The following MTUS2 variants were observed in gnomAD, a reference collection of about 807,000 sequenced individuals.
MTUS2 encodes microtubule-associated tumor suppressor candidate 2.
MTUS2 carries 40 observed loss-of-function variants against 114.1 expected under a neutral mutation model. That is an observed-to-expected ratio of 0.35 (90% CI 0.27 to 0.46). The LOEUF is 0.46. Among genes scored for constraint, MTUS2 ranks in the 20% least tolerant of loss-of-function variants. The pLI is 1.00. For synonymous variants in MTUS2, 688 were observed against 672.0 expected (o/e 1.02, Z -0.37); for missense variants, 1,679 against 1,705.4 (o/e 0.98, Z 0.27).
chr13:29,266,057 A>G (rs2139482579), intron 5 of MTUS2, among the ~76,000 whole-genome samples: 1 of 152,252 alleles, frequency 6.6e-6, no homozygotes, highest in Middle Eastern at 3.4e-3. Flanking sequence ...AAAGATACGA[A>G]GCCATAGGAG....
chr13:29,069,151 A>G (rs1888796514), intron 4 of MTUS2, among the ~76,000 whole-genome samples: 1 of 152,182 alleles, frequency 6.6e-6, no homozygotes, highest in Admixed American at 6.5e-5. Flanking sequence ...AGAGAAGCAG[A>G]ACCAATATGA....
intron 4 of MTUS2, among the ~76,000 whole-genome samples, chr13:29,060,227 G>A (rs574773820): frequency 1.3e-5 from 2 of 152,278 alleles, no homozygotes; most frequent in African/African-American, 2.4e-5. Context: ...GGCTTGTGGT[G>A]GTCCCCTTGG....
intron 5 of MTUS2, among the ~76,000 whole-genome samples, chr13:29,119,621 A>T (rs1891226828): frequency 1.3e-5 from 2 of 152,220 alleles, no homozygotes; most frequent in East Asian, 3.8e-4. Context: ...TCTGATTCTG[A>T]AGACCTGAGC....
chr13:28,853,196 G>A (rs747233145), intron 2 of MTUS2, among the ~76,000 whole-genome samples: 29 of 152,310 alleles, frequency 1.9e-4, no homozygotes, highest in African/African-American at 4.1e-4. Context: ...TGTGGTAGGC[G>A]GGGAGTTTAA....
At chr13:28,885,111 C>T (rs1162329533) in intron 2 of MTUS2, among the ~76,000 whole-genome samples, 1 of 152,092 alleles carries the variant, frequency 6.6e-6, no homozygotes, top group Non-Finnish European at 1.5e-5. Context: ...GTAGCTTTAT[C>T]TTAACAGATT....
intron 2 of MTUS2, among the ~76,000 whole-genome samples, chr13:28,928,030 GA>G (rs1881416520): frequency 6.6e-6 from 1 of 152,044 alleles, no homozygotes; most frequent in Admixed American, 6.6e-5. Context: ...ATGGTGCTGG[GA>G]AAACTAGATA....
intron 2 of MTUS2, among the ~76,000 whole-genome samples, chr13:28,929,184 G>C (rs181465816): frequency 2.4e-4 from 36 of 152,254 alleles, no homozygotes; most frequent in African/African-American, 7.5e-4. Context: ...AGGGTGGGTT[G>C]AAGGAGAGGT....
chr13:28,926,289 A>C (rs1881323744), intron 2 of MTUS2, among the ~76,000 whole-genome samples: 1 of 152,224 alleles, frequency 6.6e-6, no homozygotes, highest in Non-Finnish European at 1.5e-5. Flanking sequence ...AGTAATAAAA[A>C]ATCAATTAAA....
At chr13:29,183,467 T>C (rs1250599084) in intron 5 of MTUS2, among the ~76,000 whole-genome samples, 1 of 152,130 alleles carries the variant, frequency 6.6e-6, no homozygotes, top group Non-Finnish European at 1.5e-5. Flanking sequence ...AATGGAAATA[T>C]CAAGTAACGA....
At chr13:28,962,236 A>G (rs1227508876) in intron 2 of MTUS2, among the ~76,000 whole-genome samples, 2 of 152,178 alleles carry the variant, frequency 1.3e-5, no homozygotes, top group East Asian at 3.9e-4. Context: ...AAAAATATCA[A>G]ATGTACTCTT....
Position 29,025,671 on chromosome 13 carries a change from A to C in MTUS2, c.973A>C (p.Lys325Gln), listed in dbSNP as rs1886500652. The C allele has an allele frequency of 6.2e-7, 1 of 1,614,040 alleles. No homozygotes were observed. Among genetic ancestry groups the C allele is most frequent in the Non-Finnish European group, 8.5e-7 (1 of 1,179,886 alleles). ...VPPRRVEQEGKAAQEGYLGCH... is the reference protein window; with the variant it reads ...VPPRRVEQEGQAAQEGYLGCH... ...TCCCAGGAGAGTTGAACAGGAGGGA[A>C]AGGCAGCCCAGGAAGGGTATCTGGG... is the stretch of plus-strand genomic sequence containing the variant. The change falls in exon 3 of 16, where the codon AAG (lysine) becomes CAG (glutamine). Residue 325 changes from lysine (K) to glutamine (Q), a missense_variant. By Grantham distance (53) the Lys-to-Gln change is moderately conservative (BLOSUM62 1). This residue lies in a region of MTUS2 where 843 missense variants were observed against 770.8 expected (regional missense o/e 1.09). Coordinates refer to ENST00000612955, the MANE Select transcript of MTUS2 (RefSeq NM_001033602.4).
chr13:28,908,332 C>G (rs1188615429), intron 2 of MTUS2, among the ~76,000 whole-genome samples: 2 of 151,376 alleles, frequency 1.3e-5, no homozygotes, highest in East Asian at 3.9e-4. Context: ...TGATGTTCCC[C>G]TTCCTGTGTC....
At chr13:29,207,091 G>A (rs1347797766) in intron 5 of MTUS2, among the ~76,000 whole-genome samples, 4 of 152,078 alleles carry the variant, frequency 2.6e-5, no homozygotes, top group Non-Finnish European at 5.9e-5. Flanking sequence ...TTTCGGCAGT[G>A]TTTTATAGTT....
chr13:29,126,135 A>T (rs969122409), intron 5 of MTUS2, among the ~76,000 whole-genome samples: 2 of 152,154 alleles, frequency 1.3e-5, no homozygotes, highest in African/African-American at 4.8e-5. Context: ...TATACCAAAA[A>T]TGAGGTTGGT....
In MTUS2 at chr13:29,027,299, T is replaced by C. The variant is rs558349307; in HGVS notation, c.2205+396T>C. 3.3e-4 allele frequency among the ~76,000 whole-genome samples: 51 copies of C among 152,306 alleles called. 1 individual carries two copies. The South Asian group carries it at 5.2e-3, about 15-fold the overall frequency. On this transcript the variant is annotated intron_variant, in intron 3 of 15. Coordinates refer to ENST00000612955, the MANE Select transcript of MTUS2 (RefSeq NM_001033602.4). Reference sequence around the variant, plus strand: ...CAAATAGATCAGACTCATTCCTCAATGGGGAGTATTTTCTACCTGGGAGTA... The same window carrying C: ...CAAATAGATCAGACTCATTCCTCAACGGGGAGTATTTTCTACCTGGGAGTA...
chr13:29,024,216 G>A (rs370105021), intron 2 of MTUS2, among the ~76,000 whole-genome samples: 1 of 152,132 alleles, frequency 6.6e-6, no homozygotes, highest in East Asian at 1.9e-4. Context: ...ACTTGTGGAT[G>A]TTTAAAATTT....
intron 7 of MTUS2, among the ~76,000 whole-genome samples, chr13:29,332,221 C>G (rs1255885247): frequency 1.3e-5 from 2 of 151,922 alleles, no homozygotes; most frequent in African/African-American, 4.8e-5. Context: ...CTATTAATTA[C>G]TGCCTCAATT....
intron 9 of MTUS2, among the ~76,000 whole-genome samples, chr13:29,444,005 A>C (rs142076982): frequency 5.3e-5 from 8 of 152,194 alleles, no homozygotes; most frequent in Admixed American, 5.2e-4. Flanking sequence ...CTGTCTCCCA[A>C]ATCTAAAAAT....
chr13:29,480,054 A>G lies in MTUS2; in HGVS notation c.3185-96A>G. ...GAAGTCAGAGGACCTCGCCCTGTTTATTACGCCAGCCTTGATGATCTGACC... is the reference window on the plus strand; with the variant it reads ...GAAGTCAGAGGACCTCGCCCTGTTTGTTACGCCAGCCTTGATGATCTGACC... On this transcript the variant is annotated intron_variant, in intron 9 of 15. Transcript: ENST00000612955. This position sits in a 1 kb window ranked among gnomAD's most constrained non-coding sequence, Gnocchi z 4.4. 7.7e-7 allele frequency: 1 copy of G among 1,296,168 alleles called. No homozygotes were observed. Among genetic ancestry groups the G allele is most frequent in the Non-Finnish European group, 1.1e-6 (1 of 933,682 alleles). 80.3% of individuals were successfully genotyped at this position (1,296,168 alleles called of 1,614,324 possible).
Sources: gnomAD v4.1 joint callset for allele counts (sites outside exome capture counted in the v4.1 genomes callset) on GRCh38, gnomAD v4.1.1 for gene constraint, gnomAD v4.1.1 regional missense constraint, Gnocchi (gnomAD v3.1) non-coding constraint, MANE v1.5 for transcripts, NCBI Gene and HGNC (gene_info 2026-07-23, HGNC 2026-07-21) for gene names.